Variants in COMMD10 observed in about 807,000 individuals in gnomAD.
The protein encoded by COMMD10 is COMM domain-containing protein 10.
Under a neutral mutation model 28.9 loss-of-function variants are expected in COMMD10, and 33 were observed. The observed-to-expected ratio is 1.14, with a 90% confidence interval of 0.87 to 1.53. The LOEUF is 1.53. Among genes scored for constraint, COMMD10 ranks in the 40% most tolerant of loss-of-function variants. COMMD10 has a pLI of 0.00. For missense variants in COMMD10, 310 were observed against 233.4 expected (o/e 1.33, Z -2.14); for synonymous variants, 110 against 81.7 (o/e 1.35, Z -1.87).
At chr5:116,198,337 A>G (rs1580541640) in intron 5 of COMMD10, among the ~76,000 whole-genome samples, 3 of 152,156 alleles carry the variant, frequency 2.0e-5, no homozygotes, top group Non-Finnish European at 4.4e-5. Flanking sequence ...TAATAGAATG[A>G]CCATACCTTA....
At chr5:116,205,748 T>A (rs1463835557) in intron 5 of COMMD10, among the ~76,000 whole-genome samples, 1 of 152,158 alleles carries the variant, frequency 6.6e-6, no homozygotes, top group South Asian at 2.1e-4. Flanking sequence ...TTTTAAGAAA[T>A]AAGTTGTTAT....
intron 5 of COMMD10, among the ~76,000 whole-genome samples, chr5:116,139,940 A>G (rs1162605510): frequency 6.6e-6 from 1 of 151,804 alleles, no homozygotes; most frequent in Non-Finnish European, 1.5e-5. Context: ...AGTTTACGAT[A>G]CAATATCATT....
intron 5 of COMMD10, among the ~76,000 whole-genome samples, chr5:116,291,134 G>C (rs1751348912): frequency 6.6e-6 from 1 of 152,132 alleles, no homozygotes; most frequent in Non-Finnish European, 1.5e-5. Flanking sequence ...AGTTCAATCA[G>C]ATATCCTGCC....
At chr5:116,287,108 C>A (rs185206850) in intron 5 of COMMD10, among the ~76,000 whole-genome samples, 1 of 151,774 alleles carries the variant, frequency 6.6e-6, no homozygotes, top group African/African-American at 2.4e-5. Context: ...GTACAGCAGG[C>A]TTTTAAATAA....
At chr5:116,240,525 CCAAAA>C (rs1187034177) in intron 5 of COMMD10, among the ~76,000 whole-genome samples, 1 of 152,148 alleles carries the variant, frequency 6.6e-6, no homozygotes, top group Non-Finnish European at 1.5e-5. Context: ...TCATCATTCT[CCAAAA>C]CTAGCTAGCC....
intron 5 of COMMD10, among the ~76,000 whole-genome samples, chr5:116,240,668 A>G (rs1749787391): frequency 6.6e-6 from 1 of 152,128 alleles, no homozygotes. Context: ...AGAAATCAGG[A>G]GAAAGGAATG....
intron 4 of COMMD10, among the ~76,000 whole-genome samples, chr5:116,093,188 G>A (rs1045065933): frequency 6.6e-6 from 1 of 152,198 alleles, no homozygotes; most frequent in Non-Finnish European, 1.5e-5. Context: ...TCTTCGGCTA[G>A]TGGTGTGGTA....
intron 4 of COMMD10, among the ~76,000 whole-genome samples, chr5:116,100,007 A>G (rs1231537069): frequency 6.6e-6 from 1 of 152,160 alleles, no homozygotes; most frequent in Non-Finnish European, 1.5e-5. Context: ...CACTGAATTC[A>G]TTTATGTTTC....
chr5:116,135,628 C>T (rs1295225077), intron 5 of COMMD10, among the ~76,000 whole-genome samples: 1 of 152,154 alleles, frequency 6.6e-6, no homozygotes, highest in Non-Finnish European at 1.5e-5. Flanking sequence ...GAGAAAGAGA[C>T]CACGTCCACA....
chr5:116,244,742 A>C (rs187302600), intron 5 of COMMD10, among the ~76,000 whole-genome samples: 1 of 151,804 alleles, frequency 6.6e-6, no homozygotes, highest in East Asian at 1.9e-4. Flanking sequence ...TAGGTAGACA[A>C]TGAAATTAAG....
chr5:116,106,035 CT>C (rs1468891516), intron 4 of COMMD10, among the ~76,000 whole-genome samples: 1 of 150,976 alleles, frequency 6.6e-6, no homozygotes, highest in Non-Finnish European at 1.5e-5. Context: ...TTCTCTAGTT[CT>C]TTTAATTGTG....
intron 5 of COMMD10, among the ~76,000 whole-genome samples, chr5:116,234,084 T>A (rs1217287897): frequency 1.3e-5 from 2 of 151,822 alleles, no homozygotes; most frequent in African/African-American, 4.8e-5. Context: ...AGGAAGAAAG[T>A]GAAAGGAGGC....
intron 5 of COMMD10, among the ~76,000 whole-genome samples, chr5:116,262,050 G>A (rs1249498064): frequency 6.6e-6 from 1 of 151,654 alleles, no homozygotes; most frequent in African/African-American, 2.4e-5. Context: ...GTAAGGCACA[G>A]AGAGGTTAAT....
At chr5:116,106,099 T>A (rs1055469770) in intron 4 of COMMD10, among the ~76,000 whole-genome samples, 11 of 144,300 alleles carry the variant, frequency 7.6e-5, no homozygotes, top group African/African-American at 2.7e-4. Context: ...TTTTGTTTTA[T>A]TTTTTTTTTT....
intron 5 of COMMD10, among the ~76,000 whole-genome samples, chr5:116,165,872 A>G (rs2112573319): frequency 6.6e-6 from 1 of 152,248 alleles, no homozygotes; most frequent in Non-Finnish European, 1.5e-5. Context: ...TTAGGGCTAT[A>G]ACATGAATTT....
rs1010013565 is a variant in COMMD10, at chr5:116,230,424, A to G, written c.511-61093A>G. Among the ~76,000 whole-genome samples the G allele has an allele frequency of 5.3e-5, 8 of 152,038 alleles. No individual in the cohort carries two copies. In the South Asian group the frequency reaches 6.2e-4, roughly 12 times the overall value. Reference sequence around the variant, plus strand: ...TTTAATTTAATAAATTCATTTTTCTATGCACTAGACTGGCTTCTTTGCATT... The same window carrying G: ...TTTAATTTAATAAATTCATTTTTCTGTGCACTAGACTGGCTTCTTTGCATT... On this transcript the variant is annotated intron_variant, in intron 5 of 6. Coordinates refer to ENST00000274458, the MANE Select transcript of COMMD10 (RefSeq NM_016144.4).
intron 5 of COMMD10, among the ~76,000 whole-genome samples, chr5:116,203,104 T>C (rs1015695239): frequency 4.5e-4 from 68 of 152,234 alleles, no homozygotes; most frequent in African/African-American, 1.6e-3. Flanking sequence ...TTTCTACATA[T>C]GGCTAGCCAG....
intron 5 of COMMD10, among the ~76,000 whole-genome samples, chr5:116,134,711 C>T (rs1425930311): frequency 6.6e-6 from 1 of 152,126 alleles, no homozygotes; most frequent in African/African-American, 2.4e-5. Context: ...GGCTCCGCCC[C>T]CTGGGGTTCA....
At chr5:116,126,872 C>G (rs1287193531) in intron 4 of COMMD10, among the ~76,000 whole-genome samples, 1 of 152,168 alleles carries the variant, frequency 6.6e-6, no homozygotes, top group East Asian at 1.9e-4. Context: ...TGGGCAAGGA[C>G]TTCATGTCTA....
Sources: allele counts gnomAD v4.1 joint callset (sites outside exome capture counted in the v4.1 genomes callset), GRCh38; gene constraint gnomAD v4.1.1; transcripts MANE v1.5; gene names NCBI Gene and HGNC (gene_info 2026-07-23, HGNC 2026-07-21).